The following MATR3 variants were observed in gnomAD, a reference collection of about 807,000 sequenced individuals.
MATR3 encodes the protein matrin-3.
In MATR3, 4 loss-of-function variants were observed where a neutral mutation model predicts 85.5. The ratio of observed to expected loss-of-function variants is 0.05; its 90% CI spans 0.02 to 0.11. MATR3 has a LOEUF of 0.11. Ranked by LOEUF, MATR3 falls within the 10% of genes least tolerant of loss-of-function variation. The probability of loss-of-function intolerance (pLI) is 1.00; values close to 1 mark genes in which losing one functional copy is unlikely to be tolerated. For missense variants in MATR3, 685 were observed against 1,016.1 expected, an observed-to-expected ratio of 0.67 and a Z score of 4.43; for synonymous variants, 336 against 343.1, an observed-to-expected ratio of 0.98 and a Z score of 0.23.
chr5:139,308,070 T>C lies in MATR3; in HGVS notation c.655T>C (p.Tyr219His). The C allele has an allele frequency of 6.2e-7, 1 of 1,614,128 alleles. No individual in the cohort carries two copies. The highest frequency in any genetic ancestry group is 8.5e-7 in the Non-Finnish European group (1 of 1,180,020). Residue 219 changes from tyrosine to histidine, a missense_variant, in exon 2 of 15, where the codon TAT (tyrosine) becomes CAT (histidine). This residue lies in a region of MATR3 where 223 missense variants were observed against 334.4 expected (regional missense o/e 0.67). Coordinates refer to ENST00000394805, the MANE Select transcript of MATR3 (RefSeq NM_018834.6). ...QESGYYDRMDYEDDRLRDGER... is the reference protein window; with the variant it reads ...QESGYYDRMDHEDDRLRDGER... ...ATCTGGTTATTATGACAGAATGGAT[T>C]ATGAAGATGACAGATTAAGAGATGG...
At chr5:139,276,138 G>C in exon 2 of MATR3, 1 of 456,742 alleles carries the variant, frequency 2.2e-6, no homozygotes, top group South Asian at 1.5e-5. Context: ...GGCTGTGGCA[G>C]ATGCAACTGC....
intron 3 of MATR3, chr5:139,314,963 T>C (rs1409696170): frequency 4.3e-6 from 2 of 469,754 alleles, no homozygotes; most frequent in Admixed American, 3.3e-5. Flanking sequence ...AGGATACATA[T>C]ATATTGGTCA....
At chr5:139,319,218 A>G (rs1755413849) in intron 8 of MATR3, 116 bp from the exon 9 acceptor site, 1 of 1,316,964 alleles carries the variant, frequency 7.6e-7, no homozygotes, top group Non-Finnish European at 1.1e-6. Flanking sequence ...AGCCTGGGCA[A>G]CATAGCAAGA....
chr5:139,301,614 G>T (rs901624126), intron 1 of MATR3, among the ~76,000 whole-genome samples: 1 of 151,852 alleles, frequency 6.6e-6, no homozygotes, highest in Non-Finnish European at 1.5e-5. Flanking sequence ...AAGCCACCGC[G>T]CCCAGCCCAG....
rs1754778925 is a variant in MATR3 at position 139,307,700 on chromosome 5, C to T, written c.285C>T (p.Leu95=). 6.2e-7 allele frequency: 1 copy of T among 1,614,132 alleles called. No homozygotes were observed. The stretch of plus-strand genomic sequence containing the variant: ...TTAACATTGGAAGTAGAGGTCCACT[C>T]CCTTTATCTTCTCAACACCGTGGAG... ...SIFNIGSRGP[L]PLSSQHRGDA... Residue 95 remains leucine (L), a synonymous_variant, in exon 2 of 15, where the codon CTC becomes CTT. Coordinates refer to ENST00000394805, the MANE Select transcript of MATR3 (RefSeq NM_018834.6). This position sits in a 1 kb window ranked among gnomAD's most constrained non-coding sequence, Gnocchi z 4.4.
intron 7 of MATR3, among the ~76,000 whole-genome samples, chr5:139,318,059 A>G (rs1755343164): frequency 6.6e-6 from 1 of 152,228 alleles, no homozygotes; most frequent in South Asian, 2.1e-4. Context: ...ATGATAAAGT[A>G]ATGCAGTAGA....
At chr5:139,317,799 T>C in intron 7 of MATR3, 78 bp downstream of exon 7, 1 of 1,384,456 alleles carries the variant, frequency 7.2e-7, no homozygotes, top group Non-Finnish European at 9.9e-7. Context: ...TGATTTTGTA[T>C]TAGAAAAATA....
chr5:139,326,507 A>C (rs763563372), intron 14 of MATR3, among the ~76,000 whole-genome samples: 1 of 149,566 alleles, frequency 6.7e-6, no homozygotes, highest in Non-Finnish European at 1.5e-5. Flanking sequence ...TGCAACCTCT[A>C]CCTCCTGGGT....
chr5:139,279,245 G>C (rs1031630077), intron 3 of MATR3: 3 of 439,942 alleles, frequency 6.8e-6, no homozygotes, highest in Non-Finnish European at 1.4e-5. Flanking sequence ...TTTTTTTGGG[G>C]GGGGACGGAG....
Position 139,331,586 on chromosome 5 carries a change from G to GT in MATR3, c.*2194dup, listed in dbSNP as rs1461060735. On this transcript the variant is annotated 3_prime_UTR_variant, in exon 15 of 15. Transcript: ENST00000394805. Reference sequence around the variant, plus strand: ...TGTTTCCACTCATGTTTGCTGTAAAGTTTAAGAACATTTTTCCTACGGCTA... The same window carrying GT: ...TGTTTCCACTCATGTTTGCTGTAAAGTTTTAAGAACATTTTTCCTACGGCTA... 1 of 453,958 alleles carries GT rather than the reference G, an allele frequency of 2.2e-6. No individual in the cohort carries two copies. The highest frequency in any genetic ancestry group is 2.0e-5 in the African/African-American group (1 of 50,006). The allele number at this position is 453,958 out of a possible 1,614,324, so 28.1% of individuals were successfully genotyped here.
intron 14 of MATR3, among the ~76,000 whole-genome samples, chr5:139,326,784 C>T (rs543320260): frequency 2.0e-5 from 3 of 152,150 alleles, no homozygotes; most frequent in Admixed American, 1.3e-4. Context: ...CATAGTTTAC[C>T]CTTGCTACAT....
At chr5:139,277,102 T>C (rs1469961952) in intron 2 of MATR3, among the ~76,000 whole-genome samples, 1 of 151,852 alleles carries the variant, frequency 6.6e-6, no homozygotes, top group Non-Finnish European at 1.5e-5. Flanking sequence ...CCCAAGTAGT[T>C]GGGATGATAG....
chr5:139,277,652 C>T (rs1440188071), intron 2 of MATR3, among the ~76,000 whole-genome samples: 4 of 151,762 alleles, frequency 2.6e-5, no homozygotes, highest in Admixed American at 1.3e-4. Context: ...GGGTAAATGG[C>T]AAGCAGCATT....
At chr5:139,305,320 C>CT (rs755333702) in intron 1 of MATR3, among the ~76,000 whole-genome samples, 29 of 152,144 alleles carry the variant, frequency 1.9e-4, no homozygotes, top group Non-Finnish European at 3.5e-4. Flanking sequence ...GCTCTGTAGT[C>CT]TAACAGTCAC....
chr5:139,325,740 AGTTGGTCTT>A, intron 13 of MATR3, 78 bp downstream of exon 13: 1 of 1,321,756 alleles, frequency 7.6e-7, no homozygotes. Flanking sequence ...AAGATTTTAA[AGTTGGTCTT>A]ACATAAGCTG....
intron 2 of MATR3, 42 bp from the exon 3 acceptor site, chr5:139,314,633 C>T: frequency 1.3e-6 from 2 of 1,508,274 alleles, no homozygotes; most frequent in Non-Finnish European, 1.8e-6. Context: ...GAAAATATTT[C>T]AGCTTTATTT....
At chr5:139,275,689 C>G (rs1753250122) in intron 1 of MATR3, among the ~76,000 whole-genome samples, 2 of 152,068 alleles carry the variant, frequency 1.3e-5, no homozygotes, top group South Asian at 4.1e-4. Flanking sequence ...GCCTGTAGTC[C>G]CAGCTACTCA....
chr5:139,305,577 A>G (rs1754665853), intron 1 of MATR3, among the ~76,000 whole-genome samples: 1 of 152,176 alleles, frequency 6.6e-6, no homozygotes, highest in African/African-American at 2.4e-5. Flanking sequence ...CACCATTTAC[A>G]TAGCATCTCA....
intron 12 of MATR3, among the ~76,000 whole-genome samples, chr5:139,323,685 T>C (rs538136024): frequency 6.6e-6 from 1 of 152,104 alleles, no homozygotes; most frequent in Non-Finnish European, 1.5e-5. Context: ...AGCAGATCAG[T>C]TGAGGCCAGG....
Sources: gnomAD v4.1 joint callset for allele counts (sites outside exome capture counted in the v4.1 genomes callset) on GRCh38, gnomAD v4.1.1 for gene constraint, gnomAD v4.1.1 regional missense constraint, Gnocchi (gnomAD v3.1) non-coding constraint, MANE v1.5 for transcripts, NCBI Gene and HGNC (gene_info 2026-07-23, HGNC 2026-07-21) for gene names.